The following ESRRG variants were observed in gnomAD, a reference collection of about 807,000 sequenced individuals.
ESRRG encodes the protein estrogen-related receptor gamma.
In ESRRG, 13 loss-of-function variants were observed where a neutral mutation model predicts 44.0. The observed-to-expected ratio is 0.30, with a 90% CI of 0.19 to 0.47. The LOEUF (loss-of-function observed/expected upper bound fraction) is 0.47, where lower values mean the gene tolerates loss of function less well. Ranked by LOEUF, ESRRG falls within the 20% of genes least tolerant of loss-of-function variation. ESRRG has a pLI of 1.00. For missense variants in ESRRG, 395 were observed against 580.6 expected, an observed-to-expected ratio of 0.68 and a Z score of 3.29; for synonymous variants, 215 against 214.6, an observed-to-expected ratio of 1.00 and a Z score of -0.02.
chr1:216,860,441 C>A (rs761151456), intron 2 of ESRRG, among the ~76,000 whole-genome samples: 6 of 151,900 alleles, frequency 3.9e-5, no homozygotes, highest in Non-Finnish European at 8.8e-5. Context: ...GAAAATGACA[C>A]CAGGGCATAT....
intron 5 of ESRRG, among the ~76,000 whole-genome samples, chr1:216,532,506 C>T (rs1405944422): frequency 6.6e-6 from 1 of 152,194 alleles, no homozygotes; most frequent in Non-Finnish European, 1.5e-5. Flanking sequence ...GTCATTTTCA[C>T]TATTGCCGAC....
intron 1 of ESRRG, among the ~76,000 whole-genome samples, chr1:216,945,082 C>T (rs546440177): frequency 6.6e-6 from 1 of 152,228 alleles, no homozygotes; most frequent in South Asian, 2.1e-4. Context: ...CTCCCCCTAT[C>T]TTTAATAAAT....
chr1:217,094,490 G>A (rs1339715500), upstream of ESRRG, among the ~76,000 whole-genome samples: 1 of 152,150 alleles, frequency 6.6e-6, no homozygotes, highest in Non-Finnish European at 1.5e-5. Flanking sequence ...GTCCTCATGT[G>A]TTGAATAATT....
At chr1:216,721,244 C>G (rs1575741358) in intron 1 of ESRRG, among the ~76,000 whole-genome samples, 1 of 152,322 alleles carries the variant, frequency 6.6e-6, no homozygotes, top group East Asian at 1.9e-4. Flanking sequence ...GCCTCCAAAG[C>G]AGAAACTGTC....
At chr1:216,707,276 A>G (rs1396660045) in intron 1 of ESRRG, 1 of 1,457,608 alleles carries the variant, frequency 6.9e-7, no homozygotes, top group African/African-American at 1.4e-5. Context: ...AAATCAAACC[A>G]TATACAAGTA....
intron 5 of ESRRG, among the ~76,000 whole-genome samples, chr1:216,552,404 C>T (rs974496265): frequency 2.0e-5 from 3 of 152,102 alleles, no homozygotes; most frequent in African/African-American, 7.2e-5. Context: ...AGCTTGTGAC[C>T]TCATGCAGAT....
chr1:216,519,814 T>TAAAAAAAAA (rs147923058), intron 5 of ESRRG, among the ~76,000 whole-genome samples: 33 of 118,856 alleles, frequency 2.8e-4, no homozygotes, highest in Middle Eastern at 4.6e-3. Context: ...AACATAAAAG[T>TAAAAAAAAA]AAAAAAAAAA....
At chr1:216,819,591 C>A (rs1190446155) in intron 2 of ESRRG, among the ~76,000 whole-genome samples, 1 of 151,992 alleles carries the variant, frequency 6.6e-6, no homozygotes, top group East Asian at 1.9e-4. Context: ...TTCTCTCCTG[C>A]AATACTGATC....
chr1:216,780,878 A>G (rs1576486401), intron 2 of ESRRG, among the ~76,000 whole-genome samples: 1 of 152,150 alleles, frequency 6.6e-6, no homozygotes, highest in East Asian at 1.9e-4. Flanking sequence ...ACAAAGCTTC[A>G]TATGTTCACG....
intron 1 of ESRRG, among the ~76,000 whole-genome samples, chr1:216,994,742 C>T (rs112064945): frequency 0.047 from 6,933 of 148,992 alleles, 502 homozygotes; most frequent in African/African-American, 0.16. Context: ...CCACCACGCC[C>T]GGCTAATTTT....
intron 2 of ESRRG, among the ~76,000 whole-genome samples, chr1:216,766,571 G>T (rs1206599523): frequency 6.6e-6 from 1 of 151,936 alleles, no homozygotes; most frequent in African/African-American, 2.4e-5. Context: ...ACACTCGATA[G>T]GTTTCAGTGC....
rs187641046 is a variant in ESRRG at position 217,028,188 on chromosome 1, T to A, written c.-106+61319A>T. ...GGGATATCGGTCTTACAGAATAGCA[T>A]CTTACTTCAGCTTTATGGAAGAAAT... On this transcript the variant is annotated intron_variant, in intron 1 of 7. Coordinates refer to the ESRRG transcript ENST00000359162. Among the ~76,000 whole-genome samples the A allele has an allele frequency of 3.9e-5, 6 of 152,290 alleles. No individual in the cohort carries two copies. In the East Asian group the frequency reaches 7.7e-4, roughly 20 times the overall value.
chr1:216,968,495 T>A (rs375075643), intron 1 of ESRRG, among the ~76,000 whole-genome samples: 58 of 152,254 alleles, frequency 3.8e-4, no homozygotes, highest in African/African-American at 1.3e-3. Context: ...AAAAGGCTAT[T>A]TTTTCCCCAT....
chr1:216,708,801 C>T (rs1346608694), intron 1 of ESRRG, among the ~76,000 whole-genome samples: 1 of 152,136 alleles, frequency 6.6e-6, no homozygotes, highest in African/African-American at 2.4e-5. Flanking sequence ...ATAGCAAAGA[C>T]TTGGAACCAA....
intron 1 of ESRRG, among the ~76,000 whole-genome samples, chr1:216,944,440 T>C (rs531666922): frequency 1.3e-5 from 2 of 152,094 alleles, no homozygotes; most frequent in South Asian, 2.1e-4. Flanking sequence ...AAAAGAAATA[T>C]GATGGAAAGA....
intron 1 of ESRRG, among the ~76,000 whole-genome samples, chr1:217,043,433 T>A (rs944239263): frequency 2.6e-5 from 4 of 152,198 alleles, no homozygotes; most frequent in African/African-American, 9.6e-5. Flanking sequence ...AATAAATGAA[T>A]AGTGCACAAC....
At chr1:216,517,659 G>A (rs1323197009) in intron 6 of ESRRG, among the ~76,000 whole-genome samples, 1 of 152,138 alleles carries the variant, frequency 6.6e-6, no homozygotes, top group Non-Finnish European at 1.5e-5. Context: ...ATCTCATTAT[G>A]AGAGATGGTA....
chr1:216,516,345 G>A (rs765162251), intron 6 of ESRRG, among the ~76,000 whole-genome samples: 4 of 152,014 alleles, frequency 2.6e-5, no homozygotes, highest in Non-Finnish European at 4.4e-5. Flanking sequence ...ATGTTCTGGT[G>A]TTATAAGTAT....
intron 1 of ESRRG, among the ~76,000 whole-genome samples, chr1:216,978,714 C>T (rs963995806): frequency 3.9e-5 from 6 of 152,130 alleles, no homozygotes; most frequent in Admixed American, 3.9e-4. Flanking sequence ...ATGCAAGTAC[C>T]CTATTCTCTT....
Sources: gnomAD v4.1 joint callset for allele counts (sites outside exome capture counted in the v4.1 genomes callset) on GRCh38, gnomAD v4.1.1 for gene constraint, MANE v1.5 for transcripts, NCBI Gene and HGNC (gene_info 2026-07-23, HGNC 2026-07-21) for gene names.